LAMA2: variants seen among roughly 807,000 people sequenced by gnomAD.
The protein encoded by LAMA2 is laminin subunit alpha 2, also known as laminin subunit alpha-2.
Under a neutral mutation model 364.8 loss-of-function variants are expected in LAMA2, and 269 were observed. That is an observed-to-expected ratio of 0.74 (90% CI 0.67 to 0.82). The LOEUF (loss-of-function observed/expected upper bound fraction) is 0.82. Among genes scored for constraint, LAMA2 ranks in the 40% least tolerant of loss-of-function variants. The probability of loss-of-function intolerance (pLI) is 0.00; values close to 1 mark genes in which losing one functional copy is unlikely to be tolerated. For missense variants in LAMA2, 3,807 were observed against 3,873.2 expected (o/e 0.98, Z 0.45); for synonymous variants, 1,379 against 1,370.6 (o/e 1.01, Z -0.14).
chr6:128,972,734 A>C (rs976686653), intron 1 of LAMA2, among the ~76,000 whole-genome samples: 3 of 152,166 alleles, frequency 2.0e-5, no homozygotes, highest in East Asian at 3.8e-4. Flanking sequence ...CCAGATTAAA[A>C]AAAATGAAAT....
At chr6:128,946,595 A>C (rs79168236) in intron 1 of LAMA2, among the ~76,000 whole-genome samples, 1 of 152,222 alleles carries the variant, frequency 6.6e-6, no homozygotes, top group Non-Finnish European at 1.5e-5. Context: ...ATTGATGACT[A>C]TCTGTACCAC....
At chr6:129,217,144 G>C (rs950626912) in intron 12 of LAMA2, among the ~76,000 whole-genome samples, 1 of 151,126 alleles carries the variant, frequency 6.6e-6, no homozygotes, top group Non-Finnish European at 1.5e-5. Context: ...AGCTGAGATC[G>C]TGCCTCTGCA....
chr6:129,300,751 A>C lies in LAMA2; in HGVS notation c.3053A>C (p.His1018Pro). 6.2e-7 allele frequency: 1 copy of C among 1,613,692 alleles called. No homozygotes were observed. The highest frequency in any genetic ancestry group is 1.1e-5 in the South Asian group (1 of 91,078). The change falls in exon 22 of 65, where the codon CAT (histidine) becomes CCT (proline). Residue 1018 changes from histidine to proline, a missense_variant. His to Pro is a moderately conservative substitution (Grantham distance 77, BLOSUM62 -2). Around this residue, in one of 3 missense-constraint regions of LAMA2, gnomAD observed 3,333 missense variants for 3,345.7 expected, o/e 1.00. Coordinates refer to ENST00000421865, the MANE Select transcript of LAMA2 (RefSeq NM_000426.4). ...EGGCTACECS[H>P]LGNNCDPKTG... ...ACCGGTGAAGCTTGTGAATGTTCTC[A>C]TCTGGGTAATAATTGTGACCCAAAG...
intron 45 of LAMA2, among the ~76,000 whole-genome samples, chr6:129,450,913 C>T (rs1287452898): frequency 6.6e-6 from 1 of 152,174 alleles, no homozygotes; most frequent in East Asian, 1.9e-4. Flanking sequence ...TAAATTTTCT[C>T]AATGCCAAGG....
At chr6:129,323,072 C>A (rs969094389) in intron 28 of LAMA2, among the ~76,000 whole-genome samples, 1 of 152,126 alleles carries the variant, frequency 6.6e-6, no homozygotes, top group South Asian at 2.1e-4. Flanking sequence ...GAGATAAAGA[C>A]CTATCTCTCA....
intron 1 of LAMA2, among the ~76,000 whole-genome samples, chr6:129,022,492 A>G (rs911954605): frequency 6.6e-6 from 1 of 152,200 alleles, no homozygotes; most frequent in Non-Finnish European, 1.5e-5. Flanking sequence ...TCTCAGTTGC[A>G]AAATTTTCTT....
At chr6:129,240,140 A>T (rs1016440817) in intron 12 of LAMA2, among the ~76,000 whole-genome samples, 1 of 152,192 alleles carries the variant, frequency 6.6e-6, no homozygotes, top group Non-Finnish European at 1.5e-5. Flanking sequence ...CCGGCATAGG[A>T]GAAAGATGAA....
At chr6:128,971,399 T>C (rs895696902) in intron 1 of LAMA2, among the ~76,000 whole-genome samples, 2 of 152,092 alleles carry the variant, frequency 1.3e-5, no homozygotes. Flanking sequence ...TGAATAATTA[T>C]ATACCAACAT....
At chr6:129,127,501 G>A (rs114220366) in intron 4 of LAMA2, among the ~76,000 whole-genome samples, 1,935 of 152,030 alleles carry the variant, frequency 0.013, 43 homozygotes, top group African/African-American at 0.044. Context: ...ATATCTTTTC[G>A]GCAAAACTGA....
At chr6:129,087,685 A>G (rs959811433) in intron 3 of LAMA2, among the ~76,000 whole-genome samples, 1 of 152,088 alleles carries the variant, frequency 6.6e-6, no homozygotes, top group African/African-American at 2.4e-5. Context: ...GAATTTTGCA[A>G]GCAGGTTATA....
chr6:128,988,112 C>T (rs1783381925), intron 1 of LAMA2, among the ~76,000 whole-genome samples: 1 of 152,154 alleles, frequency 6.6e-6, no homozygotes, highest in Non-Finnish European at 1.5e-5. Context: ...GTAATCTGCT[C>T]GTCTTGGCCT....
At position 129,287,909 on chromosome 6, in the gene LAMA2, G is replaced by T. The variant is rs777097950; in HGVS notation, c.2600G>T (p.Cys867Phe). ...GGAGGATCATGTCAGCCATGCCAAT[G>T]CAATGACAACCTTGACTTCTCCATC... The part of the protein sequence containing the change: ...VPGGSCQPCQ[C>F]NDNLDFSIPG... The change falls in exon 19 of 65, where the codon TGC becomes TTC. Residue 867 changes from cysteine to phenylalanine, a missense_variant. Cys to Phe is a radical substitution (Grantham distance 205). Transcript: ENST00000421865. 5 of 1,614,098 alleles carry T rather than the reference G, an allele frequency of 3.1e-6. No individual in the cohort carries two copies. The highest frequency in any genetic ancestry group is 4.2e-6 in the Non-Finnish European group (5 of 1,179,966).
chr6:129,271,563 G>A (rs1250112985), intron 17 of LAMA2, among the ~76,000 whole-genome samples: 3 of 150,396 alleles, frequency 2.0e-5, no homozygotes, highest in African/African-American at 7.4e-5. Flanking sequence ...TCTGCCTCCC[G>A]GGTTCAAGCC....
chr6:128,942,501 T>C (rs1452613881), intron 1 of LAMA2, among the ~76,000 whole-genome samples: 1 of 152,232 alleles, frequency 6.6e-6, no homozygotes, highest in Non-Finnish European at 1.5e-5. Flanking sequence ...TTATTTACTT[T>C]TTAAAAACTA....
intron 32 of LAMA2, among the ~76,000 whole-genome samples, chr6:129,364,316 C>G (rs1031320669): frequency 2.0e-5 from 3 of 152,082 alleles, no homozygotes; most frequent in Admixed American, 6.6e-5. Context: ...GTTTAGAGAC[C>G]TAATTGAATT....
At chr6:129,043,605 T>C (rs1787257560) in intron 1 of LAMA2, among the ~76,000 whole-genome samples, 1 of 152,234 alleles carries the variant, frequency 6.6e-6, no homozygotes, top group African/African-American at 2.4e-5. Context: ...AACATCTGGT[T>C]GATCTCAGTA....
In LAMA2 at chr6:129,503,274, G is replaced by T; in HGVS notation, c.8541G>T (p.Trp2847Cys). 6.2e-7 allele frequency: 1 copy of T among 1,613,406 alleles called. No homozygotes were observed. The highest frequency in any genetic ancestry group is 8.5e-7 in the Non-Finnish European group (1 of 1,179,762). Reference protein sequence around the residue: ...MIPTKINDGQWHKIKIMRSKQ... With the variant: ...MIPTKINDGQCHKIKIMRSKQ... ...CCACCAAAATCAATGATGGCCAGTG[G>T]CACAAGGTAATAGTCCCCTGGATAT... Residue 2847 changes from tryptophan (W) to cysteine (C), a missense_variant, in exon 60 of 65, where the codon TGG (tryptophan) becomes TGT (cysteine). This residue lies in a region of LAMA2 where 3,333 missense variants were observed against 3,345.7 expected (regional missense o/e 1.00). Coordinates refer to ENST00000421865, the MANE Select transcript of LAMA2 (RefSeq NM_000426.4).
intron 12 of LAMA2, among the ~76,000 whole-genome samples, chr6:129,209,648 A>C (rs1418354221): frequency 2.0e-5 from 3 of 152,186 alleles, no homozygotes; most frequent in Non-Finnish European, 2.9e-5. Flanking sequence ...TATTGCTATG[A>C]AAGTCTCTCA....
At chr6:129,252,427 C>T in intron 14 of LAMA2, 132 bp downstream of exon 14, 1 of 681,738 alleles carries the variant, frequency 1.5e-6, no homozygotes, top group Admixed American at 2.4e-5. Context: ...GAACGGAGCC[C>T]TAGTTTTCTG....
Sources: gnomAD v4.1 joint callset for allele counts (sites outside exome capture counted in the v4.1 genomes callset) on GRCh38, gnomAD v4.1.1 for gene constraint, gnomAD v4.1.1 regional missense constraint, MANE v1.5 for transcripts, NCBI Gene and HGNC (gene_info 2026-07-23, HGNC 2026-07-21) for gene names.